Variants in NDUFA10 observed in about 807,000 individuals in gnomAD.
NDUFA10 encodes the protein NADH:ubiquinone oxidoreductase subunit A10, also known as NADH dehydrogenase [ubiquinone] 1 alpha subcomplex subunit 10, mitochondrial.
In NDUFA10, 40 loss-of-function variants were observed where a neutral mutation model predicts 47.8. That is an observed-to-expected ratio of 0.84 (90% CI 0.65 to 1.09). NDUFA10 has a LOEUF of 1.09. Ranked by LOEUF, NDUFA10 falls within the 50% of genes least tolerant of loss-of-function variation. The pLI is 0.00. For missense variants in NDUFA10, 413 were observed against 451.1 expected (o/e 0.92, Z 0.76); for synonymous variants, 183 against 172.2 (o/e 1.06, Z -0.49).
At chr2:240,025,204 CT>C (rs1697813378) in intron 1 of NDUFA10, 22 bp downstream of exon 1, 1 of 1,444,278 alleles carries the variant, frequency 6.9e-7, no homozygotes, top group Non-Finnish European at 9.1e-7. Context: ...CCCCGCCACC[CT>C]GCCACCCCGC....
chr2:240,020,210 G>A (rs941487329), intron 3 of NDUFA10, among the ~76,000 whole-genome samples: 4 of 152,146 alleles, frequency 2.6e-5, no homozygotes, highest in African/African-American at 7.2e-5. Context: ...TTGTTCTCAC[G>A]GCTCAGACCC....
chr2:239,898,279 G>A (rs1693437788), intron 4 of NDUFA10, among the ~76,000 whole-genome samples: 1 of 152,234 alleles, frequency 6.6e-6, no homozygotes, highest in South Asian at 2.1e-4. Flanking sequence ...GTCTACAGTG[G>A]CATTTCCTAC....
rs188799418 is a variant in NDUFA10 at position 239,932,634 on chromosome 2, C to T, written c.295-37320G>A. On this transcript the variant is annotated intron_variant, in intron 4 of 5. Transcript: ENST00000419408. ...TCGCTCTGTCGCCCAGGCTGGAGTG[C>T]AGTGGTGGGATCTCGGCTCACTGTA... is the stretch of plus-strand genomic sequence containing the variant. Among the ~76,000 whole-genome samples the T allele has an allele frequency of 8.3e-3, 1,255 of 151,870 alleles. 9 individuals carry two copies. Among genetic ancestry groups the T allele is most frequent in the Admixed American group, 0.014 (208 of 15,276 alleles).
In NDUFA10 at chr2:240,016,890, T is replaced by C. The variant is rs1384804300; in HGVS notation, c.547+1663A>G. Among the ~76,000 whole-genome samples, 5 of 152,074 alleles carry C rather than the reference T, an allele frequency of 3.3e-5. No homozygotes were observed. The highest frequency in any genetic ancestry group is 6.5e-5 in the Admixed American group (1 of 15,274). On this transcript the variant is annotated intron_variant, in intron 4 of 9. Transcript: ENST00000252711. The surrounding 1 kb of genome is among the most constrained non-coding windows in gnomAD (Gnocchi z 4.4). ...CACTCAGGAATCCAACGCCCAAACA[T>C]GAAGCCACATCGGTCCACTGCCCCT...
chr2:239,935,380 T>C (rs1249415485), intron 4 of NDUFA10, among the ~76,000 whole-genome samples: 1 of 152,204 alleles, frequency 6.6e-6, no homozygotes, highest in Non-Finnish European at 1.5e-5. Flanking sequence ...AAATTACAAT[T>C]CATCGCTGAC....
At chr2:239,900,898 C>A (rs1361371790) in intron 4 of NDUFA10, among the ~76,000 whole-genome samples, 1 of 152,214 alleles carries the variant, frequency 6.6e-6, no homozygotes, top group Non-Finnish European at 1.5e-5. Flanking sequence ...CATAAAGGTG[C>A]AAGGTGAAGT....
intron 9 of NDUFA10, among the ~76,000 whole-genome samples, chr2:239,965,026 C>G (rs573093487): frequency 4.6e-5 from 7 of 152,172 alleles, no homozygotes; most frequent in Non-Finnish European, 8.8e-5. Context: ...AACACAGGAC[C>G]AGCCACGCAG....
chr2:239,993,397 A>C (rs1019588868), intron 8 of NDUFA10, among the ~76,000 whole-genome samples: 2 of 152,208 alleles, frequency 1.3e-5, no homozygotes, highest in African/African-American at 4.8e-5. Context: ...TGTCAGGGAG[A>C]AAAAAGGGTG....
At chr2:239,989,498 T>G (rs1192464748) in intron 9 of NDUFA10, among the ~76,000 whole-genome samples, 1 of 152,272 alleles carries the variant, frequency 6.6e-6, no homozygotes, top group Admixed American at 6.5e-5. Flanking sequence ...GGATTTGCAG[T>G]GCAGGCTGCA....
intron 4 of NDUFA10, among the ~76,000 whole-genome samples, chr2:240,015,324 A>G (rs1697304969): frequency 1.3e-5 from 2 of 152,364 alleles, no homozygotes; most frequent in South Asian, 4.1e-4. Flanking sequence ...GAACTGAAAT[A>G]TATTCCATAT....
At chr2:240,014,438 G>T in intron 5 of NDUFA10, 1 of 438,282 alleles carries the variant, frequency 2.3e-6, no homozygotes, top group Non-Finnish European at 4.3e-6. Flanking sequence ...GAGGGATGGA[G>T]GACGCTCTGC....
chr2:240,023,182 AGT>A (rs1195020359), intron 1 of NDUFA10, among the ~76,000 whole-genome samples: 4 of 152,240 alleles, frequency 2.6e-5, no homozygotes, highest in Non-Finnish European at 4.4e-5. Flanking sequence ...CATAACCAAA[AGT>A]AAAACAAACT....
intron 4 of NDUFA10, among the ~76,000 whole-genome samples, chr2:239,951,207 G>C (rs1359524433): frequency 6.6e-6 from 1 of 152,202 alleles, no homozygotes; most frequent in Non-Finnish European, 1.5e-5. Context: ...ATTGAGACAG[G>C]GAACCCTGCA....
At chr2:239,937,032 T>C (rs1452259485) in intron 4 of NDUFA10, among the ~76,000 whole-genome samples, 1 of 152,140 alleles carries the variant, frequency 6.6e-6, no homozygotes, top group African/African-American at 2.4e-5. Context: ...TGCCCTCCCC[T>C]CGTGTGTCCA....
intron 8 of NDUFA10, among the ~76,000 whole-genome samples, chr2:239,996,133 C>T (rs983298834): frequency 6.6e-6 from 1 of 152,012 alleles, no homozygotes; most frequent in African/African-American, 2.4e-5. Flanking sequence ...TCTGAGTAAC[C>T]GATGGACCCA....
intron 4 of NDUFA10, among the ~76,000 whole-genome samples, chr2:239,942,543 G>C (rs544756352): frequency 6.6e-6 from 1 of 152,192 alleles, no homozygotes; most frequent in Non-Finnish European, 1.5e-5. Flanking sequence ...TCATTTCTTA[G>C]TCTTATACGT....
intron 8 of NDUFA10, among the ~76,000 whole-genome samples, chr2:239,996,939 G>A (rs1000468040): frequency 2.6e-5 from 4 of 151,698 alleles, no homozygotes; most frequent in Non-Finnish European, 5.9e-5. Context: ...CATCTCTAGA[G>A]TATGTATAAT....
At chr2:239,989,502 G>A (rs1012219463) in intron 9 of NDUFA10, among the ~76,000 whole-genome samples, 1 of 152,272 alleles carries the variant, frequency 6.6e-6, no homozygotes, top group Non-Finnish European at 1.5e-5. Flanking sequence ...TTGCAGTGCA[G>A]GCTGCAACTC....
downstream of NDUFA10, among the ~76,000 whole-genome samples, chr2:239,954,800 T>C (rs895667664): frequency 8.4e-6 from 1 of 118,820 alleles, no homozygotes; most frequent in African/African-American, 3.9e-5. Context: ...ATACCATCCA[T>C]GCTCCCCCAA....
Sources: gnomAD v4.1 joint callset for allele counts (sites outside exome capture counted in the v4.1 genomes callset) on GRCh38, gnomAD v4.1.1 for gene constraint, Gnocchi (gnomAD v3.1) non-coding constraint, MANE v1.5 for transcripts, NCBI Gene and HGNC (gene_info 2026-07-23, HGNC 2026-07-21) for gene names.